The following SIPA1L2 variants were observed in gnomAD, a reference collection of about 807,000 sequenced individuals.
The protein encoded by SIPA1L2 is signal-induced proliferation-associated 1-like protein 2.
In SIPA1L2, 56 loss-of-function variants were observed where a neutral mutation model predicts 163.9. The observed-to-expected ratio is 0.34, with a 90% CI of 0.28 to 0.43. The LOEUF (loss-of-function observed/expected upper bound fraction) is 0.43, where lower values mean the gene tolerates loss of function less well. SIPA1L2 is among the 20% of genes least tolerant of loss of function. SIPA1L2 has a pLI of 1.00. For missense variants in SIPA1L2, 1,974 were observed against 2,193.5 expected (o/e 0.90, Z 2.00); for synonymous variants, 877 against 865.7 (o/e 1.01, Z -0.23).
At chr1:232,423,935 A>C (rs1661724416) in intron 18 of SIPA1L2, among the ~76,000 whole-genome samples, 1 of 152,214 alleles carries the variant, frequency 6.6e-6, no homozygotes, top group Non-Finnish European at 1.5e-5. Context: ...AAAAGGCAAA[A>C]CAATGGAAAT....
intron 1 of SIPA1L2, among the ~76,000 whole-genome samples, chr1:232,625,964 A>G (rs1054876140): frequency 6.6e-6 from 1 of 152,224 alleles, no homozygotes; most frequent in Non-Finnish European, 1.5e-5. Flanking sequence ...TGACCCATGC[A>G]AAAGAAAAAA....
chr1:232,490,931 T>C lies in SIPA1L2; in HGVS notation c.1749A>G (p.Arg583=), dbSNP rs774375641. The change falls in exon 5 of 23, where the codon CGA becomes CGG. Residue 583 remains arginine (R), a synonymous_variant. Coordinates refer to ENST00000674635, the MANE Select transcript of SIPA1L2 (RefSeq NM_020808.5). ...AGACCTTGGGTGAGTTGGAAGCCTGTCGCAAACACTGAATGCTCAGCTCTG... is the reference window on the plus strand; with the variant it reads ...AGACCTTGGGTGAGTTGGAAGCCTGCCGCAAACACTGAATGCTCAGCTCTG... The part of the protein sequence containing the change: ...VIPELSIQCL[R]QASNSPKVSE... 6.2e-7 allele frequency: 1 copy of C among 1,614,176 alleles called. No individual in the cohort carries two copies. Among genetic ancestry groups the C allele is most frequent in the Non-Finnish European group, 8.5e-7 (1 of 1,180,010 alleles).
intron 20 of SIPA1L2, 107 bp downstream of exon 20, chr1:232,404,018 A>G (rs1660498351): frequency 9.4e-6 from 12 of 1,279,164 alleles, no homozygotes; most frequent in Middle Eastern, 1.9e-4. Flanking sequence ...CCCGCTGTGC[A>G]CCCCCAACCC....
chr1:232,471,951 C>T (rs1297645695), intron 7 of SIPA1L2, among the ~76,000 whole-genome samples: 1 of 152,192 alleles, frequency 6.6e-6, no homozygotes, highest in East Asian at 1.9e-4. Flanking sequence ...GTATCCTGTG[C>T]TCCCACAGTA....
chr1:232,625,354 T>C (rs1421268295), intron 1 of SIPA1L2, among the ~76,000 whole-genome samples: 4 of 152,184 alleles, frequency 2.6e-5, no homozygotes, highest in Non-Finnish European at 5.9e-5. Context: ...AGCATTTCTT[T>C]GGGAGGACAG....
At position 232,552,853 on chromosome 1, in the gene SIPA1L2, G is replaced by T. The variant is rs545209598; in HGVS notation, c.-270+21321C>A. Among the ~76,000 whole-genome samples, 103 of 152,304 alleles carry T rather than the reference G, an allele frequency of 6.8e-4. 1 individual carries two copies. The highest frequency in any genetic ancestry group is 2.4e-3 in the African/African-American group (100 of 41,558). Reference sequence around the variant, plus strand: ...ACCCCCTTCACTGAATGTACAACGGGGGGTGGCACCCCTTATGGAGGGGGA... The same window carrying T: ...ACCCCCTTCACTGAATGTACAACGGTGGGTGGCACCCCTTATGGAGGGGGA... On this transcript the variant is annotated intron_variant, in intron 2 of 22. Coordinates refer to ENST00000674635, the MANE Select transcript of SIPA1L2 (RefSeq NM_020808.5).
chr1:232,451,419 T>TG (rs1663566563), intron 10 of SIPA1L2, among the ~76,000 whole-genome samples: 1 of 152,044 alleles, frequency 6.6e-6, no homozygotes, highest in Non-Finnish European at 1.5e-5. Context: ...AGTGTCAAAC[T>TG]GGGGGCTGCT....
intron 1 of SIPA1L2, among the ~76,000 whole-genome samples, chr1:232,611,974 T>C (rs1662260386): frequency 6.6e-6 from 1 of 152,198 alleles, no homozygotes; most frequent in Admixed American, 6.5e-5. Context: ...CCAGGGTTCC[T>C]GTGCCGTGTG....
rs1660474053 is a variant in SIPA1L2, at chr1:232,403,583, A to T, written c.4817-12T>A. On this transcript the variant is annotated splice_polypyrimidine_tract_variant and intron_variant, in intron 20 of 22. Transcript: ENST00000674635. ...TGCCACCCTCTGGTCTGGGGAGGGGAGAAACACACACAGAAAGAAGGGTTA... is the reference window on the plus strand; with the variant it reads ...TGCCACCCTCTGGTCTGGGGAGGGGTGAAACACACACAGAAAGAAGGGTTA... 6.2e-7 allele frequency: 1 copy of T among 1,606,954 alleles called. No individual in the cohort carries two copies. The highest frequency in any genetic ancestry group is 1.1e-5 in the South Asian group (1 of 89,918).
intron 1 of SIPA1L2, among the ~76,000 whole-genome samples, chr1:232,575,704 C>T (rs536621464): frequency 1.3e-5 from 2 of 152,298 alleles, no homozygotes; most frequent in Admixed American, 6.5e-5. Flanking sequence ...AGCAGGATCT[C>T]GAAGATGAAC....
At chr1:232,490,451 T>C (rs1471508878) in intron 5 of SIPA1L2, among the ~76,000 whole-genome samples, 1 of 152,208 alleles carries the variant, frequency 6.6e-6, no homozygotes, top group East Asian at 1.9e-4. Flanking sequence ...GACTAGGTCT[T>C]AGTCAGCTTC....
At chr1:232,442,017 C>T in intron 12 of SIPA1L2, 149 bp from the exon 13 acceptor site, 2 of 640,736 alleles carry the variant, frequency 3.1e-6, no homozygotes, top group Admixed American at 5.7e-5. Flanking sequence ...AAATTGTCAG[C>T]TCAGCCCCGC....
At chr1:232,563,944 GTT>G (rs1264800808) in intron 2 of SIPA1L2, among the ~76,000 whole-genome samples, 1 of 100,000 alleles carries the variant, frequency 1.0e-5, no homozygotes. Flanking sequence ...ACAAAGGTTT[GTT>G]TTTTTTTTTC....
chr1:232,551,991 C>A (rs1658416258), intron 2 of SIPA1L2, among the ~76,000 whole-genome samples: 2 of 152,136 alleles, frequency 1.3e-5, no homozygotes, highest in Admixed American at 1.3e-4. Flanking sequence ...AGGCGCCCGC[C>A]CCCACGCCTG....
intron 2 of SIPA1L2, among the ~76,000 whole-genome samples, chr1:232,562,965 G>A (rs1014348092): frequency 6.6e-6 from 1 of 152,174 alleles, no homozygotes; most frequent in African/African-American, 2.4e-5. Context: ...GTAGACATCT[G>A]GCATCACCTG....
intron 2 of SIPA1L2, among the ~76,000 whole-genome samples, chr1:232,557,070 G>A (rs1658755257): frequency 6.6e-6 from 1 of 152,136 alleles, no homozygotes; most frequent in Non-Finnish European, 1.5e-5. Flanking sequence ...ACTCATGAAG[G>A]CAGCTCAATA....
intron 1 of SIPA1L2, among the ~76,000 whole-genome samples, chr1:232,615,474 A>T (rs540044377): frequency 6.6e-6 from 1 of 152,310 alleles, no homozygotes; most frequent in African/African-American, 2.4e-5. Context: ...CCTGGACTCC[A>T]GTGGAACTTC....
At chr1:232,556,421 T>C (rs1471580220) in intron 2 of SIPA1L2, among the ~76,000 whole-genome samples, 1 of 152,178 alleles carries the variant, frequency 6.6e-6, no homozygotes, top group Non-Finnish European at 1.5e-5. Flanking sequence ...AGCGATAAGG[T>C]ATGGCCATAG....
intron 2 of SIPA1L2, among the ~76,000 whole-genome samples, chr1:232,551,649 AG>A: frequency 6.6e-6 from 1 of 152,362 alleles, no homozygotes; most frequent in Middle Eastern, 3.4e-3. Context: ...AGAGCGCTCC[AG>A]GCTGCCCACA....
Sources: gnomAD v4.1 joint callset for allele counts (sites outside exome capture counted in the v4.1 genomes callset) on GRCh38, gnomAD v4.1.1 for gene constraint, MANE v1.5 for transcripts, NCBI Gene and HGNC (gene_info 2026-07-23, HGNC 2026-07-21) for gene names.